Variants in OASL observed in about 807,000 individuals in gnomAD.
The protein encoded by OASL is 2'-5'-oligoadenylate synthase-like protein.
In OASL, 28 loss-of-function variants were observed where a neutral mutation model predicts 35.3. The observed-to-expected ratio is 0.79, with a 90% CI of 0.59 to 1.09. OASL has a LOEUF of 1.09. OASL is among the 50% of genes least tolerant of loss of function. The pLI is 0.00. For missense variants in OASL, 620 were observed against 635.2 expected (o/e 0.98, Z 0.26); for synonymous variants, 252 against 254.6 (o/e 0.99, Z 0.10).
At chr12:121,027,125 G>C (rs79506807) in intron 4 of OASL, among the ~76,000 whole-genome samples, 1 of 152,306 alleles carries the variant, frequency 6.6e-6, no homozygotes, top group Middle Eastern at 3.4e-3. Flanking sequence ...AGATATTGTG[G>C]ATCCTTAACA....
intron 5 of OASL, 25 bp downstream of exon 5, chr12:121,023,965 T>C (rs1411032841): frequency 1.9e-6 from 3 of 1,613,164 alleles, no homozygotes; most frequent in Non-Finnish European, 2.5e-6. Flanking sequence ...TTCAAGCCCT[T>C]GACAGCCCAG....
intron 5 of OASL, among the ~76,000 whole-genome samples, chr12:121,023,328 G>C (rs1869331909): frequency 7.8e-6 from 1 of 128,174 alleles, no homozygotes; most frequent in Non-Finnish European, 1.6e-5. Context: ...CCCTCTTGCT[G>C]TCCAGGCTGG....
downstream of OASL, among the ~76,000 whole-genome samples, chr12:121,018,741 G>A (rs1382083015): frequency 6.6e-6 from 1 of 151,756 alleles, no homozygotes; most frequent in Non-Finnish European, 1.5e-5. Flanking sequence ...ACAGTGGTAG[G>A]TGCCTGTAGT....
At chr12:121,026,881 G>A (rs1177993166) in intron 4 of OASL, among the ~76,000 whole-genome samples, 3 of 151,428 alleles carry the variant, frequency 2.0e-5, no homozygotes, top group Non-Finnish European at 2.9e-5. Flanking sequence ...TACGCAATGA[G>A]ACCCAGATTC....
At chr12:121,022,768 C>T (rs983603665) in intron 5 of OASL, among the ~76,000 whole-genome samples, 21 of 152,176 alleles carry the variant, frequency 1.4e-4, no homozygotes, top group African/African-American at 5.1e-4. Context: ...TATATCTCCC[C>T]CCGGCCTTTA....
rs1350611972 is a variant in OASL, at chr12:121,027,574, A to G, written c.899+2T>C. The G allele has an allele frequency of 6.2e-7, 1 of 1,613,898 alleles. No individual in the cohort carries two copies. The highest frequency in any genetic ancestry group is 1.3e-5 in the African/African-American group (1 of 74,974). ...TTTGGTGGGCAAACAGTGGTCCAGT[A>G]CCTCTCTTTTTTGAGCTGTTTTCTG... is the stretch of plus-strand genomic sequence containing the variant. On this transcript the variant is annotated splice_donor_variant, in intron 4 of 5. Transcript: ENST00000257570. LOFTEE classifies it high-confidence loss of function.
chr12:121,024,385 GGC>G (rs1869392064), intron 4 of OASL, among the ~76,000 whole-genome samples: 2 of 152,176 alleles, frequency 1.3e-5, no homozygotes, highest in African/African-American at 4.8e-5. Flanking sequence ...GGGAGGCTGA[GGC>G]GGGAGGATCA....
chr12:121,038,912 A>C, exon 1 of OASL: 1 of 1,614,160 alleles, frequency 6.2e-7, no homozygotes, highest in Non-Finnish European at 8.5e-7. Flanking sequence ...GCAGCCACTG[A>C]GCCACGAAGG....
chr12:121,030,889 A>C (rs931604434), intron 3 of OASL, among the ~76,000 whole-genome samples: 3 of 152,114 alleles, frequency 2.0e-5, no homozygotes, highest in Admixed American at 2.0e-4. Flanking sequence ...TAATCCCAGC[A>C]CTTTGGGAGG....
intron 5 of OASL, among the ~76,000 whole-genome samples, chr12:121,023,134 T>C (rs1386355500): frequency 6.6e-6 from 1 of 152,148 alleles, no homozygotes; most frequent in African/African-American, 2.4e-5. Context: ...CATATAATAA[T>C]ATGACTTAGT....
intron 5 of OASL, 114 bp downstream of exon 5, chr12:121,023,876 C>T (rs1481368799): frequency 1.0e-5 from 13 of 1,305,960 alleles, no homozygotes; most frequent in African/African-American, 4.4e-5. Context: ...GGCCCTTAAA[C>T]GGTGACTCTA....
At chr12:121,033,389 T>TA in intron 2 of OASL, 72 bp downstream of exon 2, 1 of 1,503,234 alleles carries the variant, frequency 6.7e-7, no homozygotes, top group Non-Finnish European at 9.1e-7. Context: ...TGGCCATGAG[T>TA]AAAGGTGAGA....
chr12:121,024,607 G>C (rs1195093564), intron 4 of OASL, among the ~76,000 whole-genome samples: 1 of 151,370 alleles, frequency 6.6e-6, no homozygotes, highest in Non-Finnish European at 1.5e-5. Context: ...GACCGAGTGA[G>C]ACTGTCTCAA....
intron 4 of OASL, among the ~76,000 whole-genome samples, chr12:121,025,351 G>C (rs1043576802): frequency 6.6e-6 from 1 of 152,162 alleles, no homozygotes; most frequent in Non-Finnish European, 1.5e-5. Context: ...GCAGAGGTTG[G>C]GCTGCCCCCA....
intron 4 of OASL, among the ~76,000 whole-genome samples, chr12:121,024,960 TC>T (rs1869417930): frequency 7.1e-6 from 1 of 140,444 alleles, no homozygotes; most frequent in Non-Finnish European, 1.5e-5. Context: ...TTTACAGACC[TC>T]CCTAAGTTCC....
At chr12:121,032,066 G>T (rs1869756325) in intron 2 of OASL, among the ~76,000 whole-genome samples, 1 of 152,096 alleles carries the variant, frequency 6.6e-6, no homozygotes. Context: ...CATGGTGGCG[G>T]GCTGTAATCC....
chr12:121,022,246 C>G (rs1239049040), intron 5 of OASL, among the ~76,000 whole-genome samples: 1 of 152,142 alleles, frequency 6.6e-6, no homozygotes, highest in South Asian at 2.1e-4. Context: ...GCCACCACAC[C>G]CAGCTAATTT....
chr12:121,027,243 G>A (rs1230106380), intron 4 of OASL, among the ~76,000 whole-genome samples: 1 of 152,162 alleles, frequency 6.6e-6, no homozygotes, highest in Non-Finnish European at 1.5e-5. Context: ...GGCTGAGCTG[G>A]GATTTAAACT....
At chr12:121,033,514 C>T in exon 2 of OASL, 1 of 1,614,168 alleles carries the variant, frequency 6.2e-7, no homozygotes, top group Non-Finnish European at 8.5e-7. Flanking sequence ...CGCAGTCCCC[C>T]TGGTCTGGAT....
Sources: gnomAD v4.1 joint callset for allele counts (sites outside exome capture counted in the v4.1 genomes callset) on GRCh38, gnomAD v4.1.1 for gene constraint, MANE v1.5 for transcripts, NCBI Gene and HGNC (gene_info 2026-07-23, HGNC 2026-07-21) for gene names.